Variants in PCDH15 observed in about 807,000 individuals in gnomAD.
PCDH15 encodes protocadherin related 15.
A neutral mutation model predicts 178.5 loss-of-function variants in PCDH15; 129 were observed. The ratio of observed to expected loss-of-function variants is 0.72; its 90% CI spans 0.63 to 0.84. The LOEUF (loss-of-function observed/expected upper bound fraction) is 0.84. PCDH15 is among the 40% of genes least tolerant of loss of function. The pLI is 0.00. For synonymous variants in PCDH15, 800 were observed against 732.0 expected (o/e 1.09, Z -1.50); for missense variants, 2,230 against 2,099.9 (o/e 1.06, Z -1.21).
chr10:54,817,741 A>C (rs2133736803), intron 3 of PCDH15, among the ~76,000 whole-genome samples: 1 of 152,212 alleles, frequency 6.6e-6, no homozygotes, highest in South Asian at 2.1e-4. Context: ...CTCATAAAAC[A>C]TGTTCATTAT....
At chr10:55,060,106 T>C (rs1338675750) in intron 2 of PCDH15, among the ~76,000 whole-genome samples, 1 of 152,012 alleles carries the variant, frequency 6.6e-6, no homozygotes, top group Non-Finnish European at 1.5e-5. Flanking sequence ...ACACATAAAA[T>C]AAAGCACTAC....
intron 1 of PCDH15, among the ~76,000 whole-genome samples, chr10:55,303,995 G>A (rs1457460024): frequency 6.6e-6 from 1 of 151,862 alleles, no homozygotes; most frequent in Non-Finnish European, 1.5e-5. Context: ...AATTTGAGAG[G>A]TTTTCCTCTC....
chr10:54,627,683 C>T (rs936101317), intron 2 of PCDH15, among the ~76,000 whole-genome samples: 1 of 152,176 alleles, frequency 6.6e-6, no homozygotes, highest in Non-Finnish European at 1.5e-5. Flanking sequence ...CAAACATTAA[C>T]TTATTTTAGC....
At position 53,866,681 on chromosome 10, in the gene PCDH15, G is replaced by A. The variant is rs769900736; in HGVS notation, c.3678C>T (p.Asp1226=). 26 of 1,613,336 alleles carry A rather than the reference G, an allele frequency of 1.6e-5. No homozygotes were observed. The highest frequency in any genetic ancestry group is 4.5e-5 in the East Asian group (2 of 44,848). ...TGCCGCTCAGTCCCTTCCCATAGTC[G>A]TCAGTTGCAATAACTTGAAACTTGA... ...SYFKFQVIAT[D]DYGKGLSGKA... Residue 1226 remains aspartate, a synonymous_variant, in exon 27 of 38, where the codon GAC becomes GAT. Coordinates refer to ENST00000644397, the MANE Select transcript of PCDH15 (RefSeq NM_001384140.1).
At chr10:55,006,269 C>G (rs1338512633) in intron 2 of PCDH15, among the ~76,000 whole-genome samples, 1 of 152,056 alleles carries the variant, frequency 6.6e-6, no homozygotes, top group Non-Finnish European at 1.5e-5. Context: ...CTTCTTCTCC[C>G]ACCGCCAACC....
Position 54,256,041 on chromosome 10 carries a change from C to T in PCDH15, c.877-19110G>A, listed in dbSNP as rs188887880. ...GAAAGGGGAAGACCTCCCCAAATTC[C>T]GAGAATAGTCTCCGGAAGGATACCC... is the stretch of plus-strand genomic sequence containing the variant. On this transcript the variant is annotated intron_variant, in intron 8 of 37. Coordinates refer to ENST00000644397, the MANE Select transcript of PCDH15 (RefSeq NM_001384140.1). Among the ~76,000 whole-genome samples the T allele has an allele frequency of 4.6e-5, 7 of 152,214 alleles. No individual in the cohort carries two copies. The East Asian group carries it at 7.7e-4, about 17-fold the overall frequency.
At chr10:55,270,657 A>G (rs116152620) in intron 1 of PCDH15, among the ~76,000 whole-genome samples, 16,877 of 152,072 alleles carry the variant, frequency 0.11, 1,301 homozygotes, top group East Asian at 0.38. Flanking sequence ...TGCTGATGAC[A>G]CTGCAGAGAA....
At chr10:55,130,093 A>G (rs893332291) in intron 2 of PCDH15, among the ~76,000 whole-genome samples, 1 of 152,180 alleles carries the variant, frequency 6.6e-6, no homozygotes, top group Admixed American at 6.5e-5. Flanking sequence ...CAATAGAAAT[A>G]AGTGGTATGA....
intron 15 of PCDH15, among the ~76,000 whole-genome samples, chr10:54,120,063 G>A (rs2095188913): frequency 6.6e-6 from 1 of 152,138 alleles, no homozygotes; most frequent in African/African-American, 2.4e-5. Context: ...GGCTGAAGCA[G>A]ACTTCTGATC....
chr10:54,642,703 TAC>T (rs2094020065), intron 2 of PCDH15, among the ~76,000 whole-genome samples: 1 of 152,204 alleles, frequency 6.6e-6, no homozygotes, highest in South Asian at 2.1e-4. Flanking sequence ...GTTTAGAGGT[TAC>T]AGTTTATTTT....
intron 2 of PCDH15, among the ~76,000 whole-genome samples, chr10:55,104,837 C>G (rs925069957): frequency 2.6e-5 from 4 of 152,130 alleles, no homozygotes; most frequent in Admixed American, 1.3e-4. Context: ...TGATACTGCA[C>G]TAAACATGAT....
intron 2 of PCDH15, among the ~76,000 whole-genome samples, chr10:55,068,640 A>T (rs1318946664): frequency 6.6e-6 from 1 of 151,890 alleles, no homozygotes; most frequent in Admixed American, 6.6e-5. Context: ...TGATAGTGCT[A>T]TTTTCATAGG....
intron 1 of PCDH15, among the ~76,000 whole-genome samples, chr10:54,746,082 C>A (rs1012336301): frequency 1.2e-4 from 19 of 152,192 alleles, no homozygotes; most frequent in Non-Finnish European, 2.1e-4. Flanking sequence ...TGTTATCTTG[C>A]ACTCTTATGT....
chr10:55,428,036 A>G (rs1838797674), intron 2 of PCDH15, among the ~76,000 whole-genome samples: 1 of 152,006 alleles, frequency 6.6e-6, no homozygotes, highest in South Asian at 2.1e-4. Context: ...CAATTATTTT[A>G]CGTTTTTTGA....
chr10:54,474,871 A>C (rs1449363420), intron 3 of PCDH15, among the ~76,000 whole-genome samples: 1 of 152,006 alleles, frequency 6.6e-6, no homozygotes, highest in Non-Finnish European at 1.5e-5. Flanking sequence ...TAATTTTTAC[A>C]GATTATATCA....
At chr10:54,714,288 A>G (rs2095454876) in intron 1 of PCDH15, among the ~76,000 whole-genome samples, 2 of 152,102 alleles carry the variant, frequency 1.3e-5, no homozygotes, top group African/African-American at 4.8e-5. Context: ...AGTCGCAACT[A>G]AAAGTTAGCC....
At chr10:54,402,134 C>T (rs1565182198) in intron 3 of PCDH15, among the ~76,000 whole-genome samples, 1 of 151,716 alleles carries the variant, frequency 6.6e-6, no homozygotes, top group African/African-American at 2.4e-5. Flanking sequence ...GGGAAAAAAA[C>T]ATAACTCAAA....
chr10:55,016,027 C>T (rs1429911082), intron 2 of PCDH15, among the ~76,000 whole-genome samples: 1 of 150,082 alleles, frequency 6.7e-6, no homozygotes, highest in Non-Finnish European at 1.5e-5. Flanking sequence ...CTACAAGGTT[C>T]CTTAAAAAGT....
At chr10:54,425,855 A>C (rs16906104) in intron 3 of PCDH15, among the ~76,000 whole-genome samples, 1 of 152,094 alleles carries the variant, frequency 6.6e-6, no homozygotes, top group Non-Finnish European at 1.5e-5. Context: ...GATTTAGAAA[A>C]TGAAGTATTC....
Sources: allele counts gnomAD v4.1 joint callset (sites outside exome capture counted in the v4.1 genomes callset), GRCh38; gene constraint gnomAD v4.1.1; transcripts MANE v1.5; gene names NCBI Gene and HGNC (gene_info 2026-07-23, HGNC 2026-07-21).